The following MAPKAP1 variants were observed in gnomAD, a reference collection of about 807,000 sequenced individuals.
MAPKAP1 encodes the protein target of rapamycin complex 2 subunit MAPKAP1.
MAPKAP1 carries 20 observed loss-of-function variants against 65.7 expected under a neutral mutation model. The ratio of observed to expected loss-of-function variants is 0.30; its 90% confidence interval spans 0.21 to 0.44. MAPKAP1 has a LOEUF of 0.44. Ranked by LOEUF, MAPKAP1 falls within the 20% of genes least tolerant of loss-of-function variation. The probability of loss-of-function intolerance (pLI) is 1.00; values close to 1 mark genes in which losing one functional copy is unlikely to be tolerated. For synonymous variants in MAPKAP1, 222 were observed against 244.3 expected, an observed-to-expected ratio of 0.91 and a Z score of 0.85; for missense variants, 423 against 648.0, an observed-to-expected ratio of 0.65 and a Z score of 3.77.
chr9:125,480,442 C>T (rs1854265847), intron 9 of MAPKAP1, among the ~76,000 whole-genome samples: 1 of 152,134 alleles, frequency 6.6e-6, no homozygotes, highest in Non-Finnish European at 1.5e-5. Flanking sequence ...AGTGACGCCC[C>T]AGCCTCCAGT....
intron 7 of MAPKAP1, among the ~76,000 whole-genome samples, chr9:125,533,731 G>A (rs1377400771): frequency 6.6e-6 from 1 of 152,200 alleles, no homozygotes; most frequent in Non-Finnish European, 1.5e-5. Context: ...TTACAGGTGT[G>A]AGCCACTACG....
At chr9:125,680,536 G>A (rs927979414) in intron 1 of MAPKAP1, among the ~76,000 whole-genome samples, 1 of 152,098 alleles carries the variant, frequency 6.6e-6, no homozygotes, top group Admixed American at 6.5e-5. Flanking sequence ...TTCTCCATGT[G>A]AATATGCCCA....
At chr9:125,525,536 G>A (rs962708956) in intron 7 of MAPKAP1, among the ~76,000 whole-genome samples, 2 of 152,114 alleles carry the variant, frequency 1.3e-5, no homozygotes, top group African/African-American at 4.8e-5. Flanking sequence ...AGCCGGGTGC[G>A]GTGGCGCATG....
rs1329607238 is a variant in MAPKAP1 at position 125,447,414 on chromosome 9, C to T, written c.1346-2816G>A. ...AATGACACAGCTGCAAAGTTAATCA[C>T]TGGGCCGAGGCACGGTGGACAGCCA... is the stretch of plus-strand genomic sequence containing the variant. On this transcript the variant is annotated intron_variant, in intron 10 of 11. Coordinates refer to ENST00000265960, the MANE Select transcript of MAPKAP1 (RefSeq NM_001006617.3). The surrounding 1 kb of genome is among the most constrained non-coding windows in gnomAD (Gnocchi z 4.5). 6.6e-6 allele frequency: 3 copies of T among 456,556 alleles called. No homozygotes were observed. Among genetic ancestry groups the T allele is most frequent in the Non-Finnish European group, 1.3e-5 (3 of 226,968 alleles). The allele number at this position is 456,556 out of a possible 1,614,324, so 28.3% of individuals were successfully genotyped here.
intron 4 of MAPKAP1, among the ~76,000 whole-genome samples, chr9:125,587,647 G>A (rs1170909098): frequency 1.3e-5 from 2 of 152,060 alleles, no homozygotes; most frequent in African/African-American, 4.8e-5. Flanking sequence ...TCAAAAGAAC[G>A]GGAGAAAATA....
intron 5 of MAPKAP1, among the ~76,000 whole-genome samples, chr9:125,576,710 G>A (rs938672209): frequency 1.3e-5 from 2 of 152,232 alleles, no homozygotes; most frequent in African/African-American, 4.8e-5. Context: ...TGGTGGAGAC[G>A]GGGTTTCGCT....
At chr9:125,531,096 C>T (rs1038327444) in intron 7 of MAPKAP1, among the ~76,000 whole-genome samples, 2 of 152,168 alleles carry the variant, frequency 1.3e-5, no homozygotes, top group African/African-American at 4.8e-5. Flanking sequence ...GGTTTGGTTC[C>T]AAAGCCCATG....
At chr9:125,553,003 T>TATA (rs1488994096) in intron 6 of MAPKAP1, among the ~76,000 whole-genome samples, 4 of 152,192 alleles carry the variant, frequency 2.6e-5, no homozygotes, top group Non-Finnish European at 5.9e-5. Flanking sequence ...TAGCTATATA[T>TATA]ATCTATATGT....
chr9:125,459,547 C>T (rs1371509402), intron 10 of MAPKAP1, among the ~76,000 whole-genome samples: 2 of 152,174 alleles, frequency 1.3e-5, no homozygotes, highest in Non-Finnish European at 2.9e-5. Context: ...GTGAACGAGA[C>T]TCCGTCTGCA....
chr9:125,603,934 AT>A (rs1055309521), intron 4 of MAPKAP1, among the ~76,000 whole-genome samples: 2 of 151,514 alleles, frequency 1.3e-5, no homozygotes, highest in East Asian at 1.9e-4. Context: ...GAAACATTTT[AT>A]TTTTTTTAAC....
At chr9:125,508,460 A>G (rs2077972093) in intron 7 of MAPKAP1, among the ~76,000 whole-genome samples, 1 of 152,166 alleles carries the variant, frequency 6.6e-6, no homozygotes, top group Admixed American at 6.5e-5. Context: ...GACTGTTCCT[A>G]TCTCCAAAAT....
chr9:125,442,062 GA>G (rs1194079532), intron 11 of MAPKAP1, among the ~76,000 whole-genome samples: 2 of 146,650 alleles, frequency 1.4e-5, no homozygotes, highest in African/African-American at 5.1e-5. Flanking sequence ...CCGGGAGGTG[GA>G]GGTTGCAGTG....
At position 125,693,678 on chromosome 9, in the gene MAPKAP1, T is replaced by TATATACACACAC. The variant is rs1564620150; in HGVS notation, c.-70+13292_-70+13293insGTGTGTGTATAT. Among the ~76,000 whole-genome samples the TATATACACACAC allele has an allele frequency of 4.6e-4, 57 of 125,262 alleles. 1 individual carries two copies. Among genetic ancestry groups the TATATACACACAC allele is most frequent in the African/African-American group, 1.1e-3 (40 of 36,016 alleles). The allele number at this position is 125,262 out of a possible 152,430, so 82.2% of individuals were successfully genotyped here. A position where few individuals can be genotyped will look rare whatever the true frequency, so the allele number is the denominator to read the frequency against. On this transcript the variant is annotated intron_variant, in intron 1 of 11. Coordinates refer to ENST00000265960, the MANE Select transcript of MAPKAP1 (RefSeq NM_001006617.3). ...ATACATACACACACATATACACGTA[T>TATATACACACAC]ATATACACGTATATATACACGTATA... is the stretch of plus-strand genomic sequence containing the variant.
intron 11 of MAPKAP1, among the ~76,000 whole-genome samples, chr9:125,444,037 G>A (rs1395567968): frequency 6.6e-6 from 1 of 152,208 alleles, no homozygotes; most frequent in Non-Finnish European, 1.5e-5. Context: ...TGAGTATACT[G>A]TTTAGGTATG....
rs1432428969 is a variant in MAPKAP1, at chr9:125,576,474, G to C, written c.671+9081C>G. Among the ~76,000 whole-genome samples the C allele has an allele frequency of 2.0e-5, 3 of 151,826 alleles. No individual in the cohort carries two copies. The East Asian group carries it at 5.8e-4, about 29-fold the overall frequency. ...ATTAAAATTTTTTTAAAAAAACGAA[G>C]CATAGCTCTCCCTCTCCCTCTCCCT... On this transcript the variant is annotated intron_variant, in intron 5 of 11. Coordinates refer to ENST00000265960, the MANE Select transcript of MAPKAP1 (RefSeq NM_001006617.3).
intron 1 of MAPKAP1, among the ~76,000 whole-genome samples, chr9:125,686,759 C>T (rs1834991787): frequency 6.6e-6 from 1 of 152,138 alleles, no homozygotes; most frequent in Non-Finnish European, 1.5e-5. Flanking sequence ...GTTGCCGGTA[C>T]ACTCTCTACA....
chr9:125,539,082 T>G (rs887175084), intron 7 of MAPKAP1, among the ~76,000 whole-genome samples: 2 of 152,148 alleles, frequency 1.3e-5, no homozygotes, highest in Admixed American at 1.3e-4. Flanking sequence ...CAAAGTAAAT[T>G]AGCAAGCAAT....
chr9:125,559,785 C>G lies in MAPKAP1; in HGVS notation c.696G>C (p.Leu232=). 1 of 1,613,100 alleles carries G rather than the reference C, an allele frequency of 6.2e-7. No individual in the cohort carries two copies. Among genetic ancestry groups the G allele is most frequent in the Non-Finnish European group, 8.5e-7 (1 of 1,179,508 alleles). ...CCTCCCCATCATCCTCAGCAATATG[C>G]AGGCAGTAGGCACTGACATTGTCAC... is the stretch of plus-strand genomic sequence containing the variant. ...KLNDNVSAYC[L]HIAEDDGEVD... Residue 232 remains leucine, a synonymous_variant, in exon 6 of 12, where the codon CTG becomes CTC. Transcript: ENST00000265960.
chr9:125,674,327 T>C (rs1284681707), intron 1 of MAPKAP1, among the ~76,000 whole-genome samples: 1 of 152,232 alleles, frequency 6.6e-6, no homozygotes, highest in Admixed American at 6.5e-5. Context: ...AGTCCTAAAA[T>C]ATGTCAATAT....
Sources: gnomAD v4.1 joint callset for allele counts (sites outside exome capture counted in the v4.1 genomes callset) on GRCh38, gnomAD v4.1.1 for gene constraint, Gnocchi (gnomAD v3.1) non-coding constraint, MANE v1.5 for transcripts, NCBI Gene and HGNC (gene_info 2026-07-23, HGNC 2026-07-21) for gene names.